Variants in BBOF1 observed in about 807,000 individuals in gnomAD.
The protein encoded by BBOF1 is basal body-orientation factor 1.
Under a neutral mutation model 68.0 loss-of-function variants are expected in BBOF1, and 62 were observed. The observed-to-expected ratio is 0.91, with a 90% CI of 0.74 to 1.13. The LOEUF (loss-of-function observed/expected upper bound fraction) is 1.13, where lower values mean the gene tolerates loss of function less well. Ranked by LOEUF, BBOF1 falls within the 50% of genes most tolerant of loss-of-function variation. The pLI is 0.00. For missense variants in BBOF1, 534 were observed against 600.1 expected (o/e 0.89, Z 1.15); for synonymous variants, 208 against 198.8 (o/e 1.05, Z -0.39).
rs2060440865 is a variant in BBOF1, at chr14:74,065,199, G to A, written c.*500G>A. The A allele has an allele frequency of 1.2e-6, 2 of 1,614,014 alleles. No individual in the cohort carries two copies. Among genetic ancestry groups the A allele is most frequent in the East Asian group, 2.2e-5 (1 of 44,898 alleles). On this transcript the variant is annotated 3_prime_UTR_variant, in exon 12 of 12. Transcript: ENST00000394009. ...CACGAACCTGTCCAACATCCACCAA[G>A]TGGGCATATTTCCGAGCAGTGGCTC...
At chr14:74,028,948 C>CCACACACA (rs530371320) in intron 2 of BBOF1, among the ~76,000 whole-genome samples, 11 of 148,468 alleles carry the variant, frequency 7.4e-5, no homozygotes, top group South Asian at 6.3e-4. Context: ...TTATTTTTAA[C>CCACACACA]CACACACACA....
chr14:74,028,507 C>G (rs1055794448), intron 2 of BBOF1, among the ~76,000 whole-genome samples: 2,248 of 117,416 alleles, frequency 0.019, 64 homozygotes, highest in African/African-American at 0.063. Context: ...CACACACACA[C>G]ACACAAATAG....
At chr14:74,060,562 T>A in intron 11 of BBOF1, 1 of 1,053,156 alleles carries the variant, frequency 9.5e-7, no homozygotes, top group Admixed American at 1.7e-5. Context: ...CGATCTGATC[T>A]GAGCAAAGCT....
chr14:74,039,052 A>G (rs1183592600), intron 4 of BBOF1, among the ~76,000 whole-genome samples: 1 of 152,194 alleles, frequency 6.6e-6, no homozygotes, highest in Non-Finnish European at 1.5e-5. Context: ...CATCACAGCA[A>G]ATTTAGCTTG....
chr14:74,056,715 C>A, intron 9 of BBOF1, 191 bp from the exon 10 acceptor site: 2 of 525,950 alleles, frequency 3.8e-6, no homozygotes, highest in South Asian at 4.8e-5. Flanking sequence ...ATGGATACTT[C>A]ATTCTCTATG....
downstream of BBOF1, among the ~76,000 whole-genome samples, chr14:74,067,093 G>A (rs4646863): frequency 0.14 from 20,813 of 152,012 alleles, 2,011 homozygotes; most frequent in East Asian, 0.57. Flanking sequence ...CCGCACCTGT[G>A]GTCCAAGCTG....
At chr14:74,042,873 CACACAG>C (rs368195296) in intron 5 of BBOF1, among the ~76,000 whole-genome samples, 1,936 of 105,206 alleles carry the variant, frequency 0.018, 48 homozygotes, top group African/African-American at 0.075. Flanking sequence ...TACACACACA[CACACAG>C]ACACACACAC....
rs1555370464 is a variant in BBOF1 at position 74,026,153 on chromosome 14, A to AG, written c.285+3009_285+3010insG. Among the ~76,000 whole-genome samples, 13 of 143,484 alleles carry AG rather than the reference A, an allele frequency of 9.1e-5. No homozygotes were observed. The South Asian group carries it at 1.1e-3, about 12-fold the overall frequency. The allele number at this position is 143,484 out of a possible 152,430, so 94.1% of individuals were successfully genotyped here. Reference sequence around the variant, plus strand: ...GAGACTCTGTCTCAAAAAAAAAAAAAAGAGAGAGACTGGGGGCGGTGGCTC... The same window carrying AG: ...GAGACTCTGTCTCAAAAAAAAAAAAAGAGAGAGAGACTGGGGGCGGTGGCTC... On this transcript the variant is annotated intron_variant, in intron 2 of 11. Transcript: ENST00000394009.
intron 1 of BBOF1, among the ~76,000 whole-genome samples, chr14:74,021,510 G>A (rs1217698727): frequency 6.6e-6 from 1 of 151,872 alleles, no homozygotes; most frequent in Admixed American, 6.6e-5. Flanking sequence ...GATCGTTTGG[G>A]CCTGGGAGGT....
downstream of BBOF1, chr14:74,068,917 T>C (rs751352434): frequency 2.5e-6 from 4 of 1,613,940 alleles, no homozygotes; most frequent in East Asian, 8.9e-5. Flanking sequence ...TATACTCTCC[T>C]GCCTTGTTGG....
rs1178086283 is a variant in BBOF1 at position 74,047,993 on chromosome 14, A to G, written c.711A>G (p.Ala237=). 3.7e-6 allele frequency: 6 copies of G among 1,613,316 alleles called. No homozygotes were observed. The highest frequency in any genetic ancestry group is 5.1e-6 in the Non-Finnish European group (6 of 1,179,620). ...KENDYLQKAL[A]YHLKETDALQ... ...ATGATTATCTTCAGAAAGCTCTGGCATATCACCTGAAGGAAACTGACGCTC... is the reference window on the plus strand; with the variant it reads ...ATGATTATCTTCAGAAAGCTCTGGCGTATCACCTGAAGGAAACTGACGCTC... Residue 237 remains alanine (A), a synonymous_variant, in exon 7 of 12, where the codon GCA becomes GCG. Transcript: ENST00000394009.
intron 3 of BBOF1, 88 bp from the exon 4 acceptor site, chr14:74,033,940 T>C (rs1020759919): frequency 3.5e-6 from 3 of 867,862 alleles, no homozygotes; most frequent in Non-Finnish European, 5.0e-6. Flanking sequence ...AAAGAAGATA[T>C]GCAAATGGCG....
intron 3 of BBOF1, among the ~76,000 whole-genome samples, chr14:74,029,574 C>T (rs1195851490): frequency 2.6e-5 from 4 of 151,684 alleles, no homozygotes; most frequent in African/African-American, 9.7e-5. Flanking sequence ...CCCAGCTACT[C>T]GGGAGGCTGA....
At chr14:74,055,827 A>G (rs2060186916) in intron 9 of BBOF1, 142 bp downstream of exon 9, 2 of 571,866 alleles carry the variant, frequency 3.5e-6, no homozygotes, top group Non-Finnish European at 6.2e-6. Context: ...CTGCTTAACT[A>G]CTGCAGCTCC....
At chr14:74,067,317 A>T, downstream of BBOF1, 1 of 1,588,460 alleles carries the variant, frequency 6.3e-7, no homozygotes, top group Non-Finnish European at 8.6e-7. Flanking sequence ...GGCCAGTGAC[A>T]GAACCCAAGA....
At chr14:74,027,647 C>A (rs1181248383) in intron 2 of BBOF1, among the ~76,000 whole-genome samples, 1 of 152,060 alleles carries the variant, frequency 6.6e-6, no homozygotes, top group Non-Finnish European at 1.5e-5. Context: ...GCAGACACAA[C>A]CTTAACCAAC....
Position 74,039,684 on chromosome 14 carries a change from C to T in BBOF1, c.496-881C>T, listed in dbSNP as rs576137839. On this transcript the variant is annotated intron_variant, in intron 4 of 11. Transcript: ENST00000394009. ...ACTCCTGGATCTCAGGTCATCCACCCGCCTCGGCCTCCCAAAGTACTGGGA... is the reference window on the plus strand; with the variant it reads ...ACTCCTGGATCTCAGGTCATCCACCTGCCTCGGCCTCCCAAAGTACTGGGA... Among the ~76,000 whole-genome samples, 57 of 152,022 alleles carry T rather than the reference C, an allele frequency of 3.7e-4. No homozygotes were observed. In the South Asian group the frequency reaches 8.9e-3, roughly 24 times the overall value.
At chr14:74,068,961 G>A (rs1420059138), downstream of BBOF1, 30 of 1,613,880 alleles carry the variant, frequency 1.9e-5, no homozygotes, top group Non-Finnish European at 2.5e-5. Flanking sequence ...ATGTCCGGAT[G>A]ATCGCAAATA....
intron 4 of BBOF1, among the ~76,000 whole-genome samples, chr14:74,038,784 G>A (rs7150815): frequency 0.53 from 81,223 of 151,852 alleles, 22,576 homozygotes; most frequent in East Asian, 0.89. Context: ...TGGGTAGAAT[G>A]CTTGAGCCCA....
Sources: gnomAD v4.1 joint callset for allele counts (sites outside exome capture counted in the v4.1 genomes callset) on GRCh38, gnomAD v4.1.1 for gene constraint, MANE v1.5 for transcripts, NCBI Gene and HGNC (gene_info 2026-07-23, HGNC 2026-07-21) for gene names.